Variants in RASEF observed in about 807,000 individuals in gnomAD.
RASEF encodes the protein RAS and EF-hand domain containing.
Under a neutral mutation model 90.1 loss-of-function variants are expected in RASEF, and 68 were observed. The ratio of observed to expected loss-of-function variants is 0.75; its 90% CI spans 0.62 to 0.92. RASEF has a LOEUF of 0.92. Ranked by LOEUF, RASEF falls within the 40% of genes least tolerant of loss-of-function variation. The pLI, the probability that RASEF is intolerant of heterozygous loss-of-function variation, is 0.00. For missense variants in RASEF, 949 were observed against 937.2 expected, an observed-to-expected ratio of 1.01 and a Z score of -0.16; for synonymous variants, 331 against 345.2, an observed-to-expected ratio of 0.96 and a Z score of 0.46.
chr9:83,194,843 C>T, the RASEF span, among the ~76,000 whole-genome samples: 2 of 152,176 alleles, frequency 1.3e-5, no homozygotes, highest in Admixed American at 1.3e-4. Context: ...TACTCCTGTG[C>T]CCCTTTGATA....
At chr9:83,145,590 A>T in the RASEF span, among the ~76,000 whole-genome samples, 2 of 152,100 alleles carry the variant, frequency 1.3e-5, no homozygotes. Flanking sequence ...AGAGCCTAGC[A>T]TGTTTTGGTG....
chr9:83,115,431 CACA>C, the RASEF span, among the ~76,000 whole-genome samples: 2 of 152,120 alleles, frequency 1.3e-5, no homozygotes, highest in Non-Finnish European at 2.9e-5. Flanking sequence ...CATGCAACAA[CACA>C]ACATTTTTTC....
intron 14 of RASEF, 61 bp from the exon 15 acceptor site, chr9:82,993,086 C>T: frequency 1.3e-6 from 2 of 1,555,154 alleles, no homozygotes; most frequent in African/African-American, 1.4e-5. Context: ...ACGATGACCA[C>T]AGAACAACAG....
chr9:83,132,077 CA>C, the RASEF span, among the ~76,000 whole-genome samples: 183 of 152,308 alleles, frequency 1.2e-3, no homozygotes, highest in African/African-American at 4.2e-3. Context: ...ACTTCCTCAA[CA>C]AGATGTAGAA....
chr9:83,169,822 T>C, the RASEF span, among the ~76,000 whole-genome samples: 3 of 152,092 alleles, frequency 2.0e-5, no homozygotes, highest in Non-Finnish European at 4.4e-5. Context: ...GTTGTTTGAG[T>C]TTCTTATATA....
At chr9:83,146,117 C>T in the RASEF span, among the ~76,000 whole-genome samples, 1 of 150,510 alleles carries the variant, frequency 6.6e-6, no homozygotes, top group African/African-American at 2.4e-5. Flanking sequence ...CATCTAGTTG[C>T]CCACGAGGTA....
chr9:83,140,552 T>G, the RASEF span, among the ~76,000 whole-genome samples: 5 of 152,150 alleles, frequency 3.3e-5, no homozygotes, highest in African/African-American at 1.2e-4. Flanking sequence ...ACTCTGATGG[T>G]ACCTTAGTGG....
At chr9:83,096,553 A>C in the RASEF span, among the ~76,000 whole-genome samples, 1 of 152,104 alleles carries the variant, frequency 6.6e-6, no homozygotes, top group Admixed American at 6.5e-5. Flanking sequence ...CAGGTTGTCC[A>C]GTTAAGGACA....
the RASEF span, among the ~76,000 whole-genome samples, chr9:83,211,673 C>T: frequency 6.6e-6 from 1 of 152,162 alleles, no homozygotes; most frequent in Non-Finnish European, 1.5e-5. Context: ...CATTGCCTTG[C>T]ACTAACCTTA....
chr9:82,992,089 C>T (rs1238498515), intron 15 of RASEF, among the ~76,000 whole-genome samples: 6 of 152,162 alleles, frequency 3.9e-5, no homozygotes, highest in African/African-American at 1.2e-4. Context: ...AAAACAAGAA[C>T]GATTATTCCA....
chr9:83,134,655 G>C, the RASEF span, among the ~76,000 whole-genome samples: 1 of 152,080 alleles, frequency 6.6e-6, no homozygotes, highest in South Asian at 2.1e-4. Flanking sequence ...TACCTACAAT[G>C]GGGTCATAAA....
intron 14 of RASEF, among the ~76,000 whole-genome samples, chr9:82,994,794 A>G (rs752341627): frequency 3.3e-5 from 5 of 152,228 alleles, no homozygotes; most frequent in African/African-American, 7.2e-5. Flanking sequence ...CCATAATTCT[A>G]TTACAAGATT....
At chr9:83,048,447 A>G (rs1413977177) in intron 1 of RASEF, 1 of 985,208 alleles carries the variant, frequency 1.0e-6, no homozygotes, top group Non-Finnish European at 1.2e-6. Flanking sequence ...AATAGAGGGA[A>G]ACCAGCCAAG....
chr9:83,146,089 G>T, the RASEF span, among the ~76,000 whole-genome samples: 2 of 150,512 alleles, frequency 1.3e-5, no homozygotes, highest in Non-Finnish European at 3.0e-5. Context: ...GTTCTTATGG[G>T]GATACTCCTT....
intron 1 of RASEF, among the ~76,000 whole-genome samples, chr9:83,028,083 T>C (rs1829579111): frequency 6.6e-6 from 1 of 152,220 alleles, no homozygotes; most frequent in Non-Finnish European, 1.5e-5. Context: ...AACAGTCAAT[T>C]CTTTGGGCAT....
At chr9:83,177,948 T>C in the RASEF span, among the ~76,000 whole-genome samples, 1 of 152,140 alleles carries the variant, frequency 6.6e-6, no homozygotes, top group African/African-American at 2.4e-5. Flanking sequence ...TTTTCTCTGC[T>C]CTTTGGATTG....
chr9:83,153,999 A>G, the RASEF span, among the ~76,000 whole-genome samples: 2 of 152,190 alleles, frequency 1.3e-5, no homozygotes, highest in African/African-American at 4.8e-5. Context: ...GCGTCTCAAC[A>G]TCTGGTTGAG....
At chr9:83,141,857 T>A in the RASEF span, among the ~76,000 whole-genome samples, 1 of 151,950 alleles carries the variant, frequency 6.6e-6, no homozygotes, top group African/African-American at 2.4e-5. Flanking sequence ...GGGTTGGGAG[T>A]AGGGAATAAC....
At chr9:83,014,518 A>C (rs1451562940) in intron 4 of RASEF, among the ~76,000 whole-genome samples, 1 of 152,008 alleles carries the variant, frequency 6.6e-6, no homozygotes, top group Non-Finnish European at 1.5e-5. Flanking sequence ...GATCTCAACT[A>C]TGTCACCCAG....
Sources: allele counts gnomAD v4.1 joint callset (sites outside exome capture counted in the v4.1 genomes callset), GRCh38; gene constraint gnomAD v4.1.1; transcripts MANE v1.5; gene names NCBI Gene and HGNC (gene_info 2026-07-23, HGNC 2026-07-21).